The following SPECC1 variants were observed in gnomAD, a reference collection of about 807,000 sequenced individuals.
SPECC1 encodes sperm antigen with calponin homology and coiled-coil domains 1, also known as cytospin-B.
SPECC1 carries 62 observed loss-of-function variants against 104.1 expected under a neutral mutation model. The ratio of observed to expected loss-of-function variants is 0.60; its 90% confidence interval spans 0.49 to 0.74. The LOEUF is 0.74. Among genes scored for constraint, SPECC1 ranks in the 30% least tolerant of loss-of-function variants. The pLI is 0.00. For missense variants in SPECC1, 1,306 were observed against 1,310.5 expected (o/e 1.00, Z 0.05); for synonymous variants, 513 against 501.6 (o/e 1.02, Z -0.30).
intron 14 of SPECC1, among the ~76,000 whole-genome samples, chr17:20,313,146 A>G (rs752103924): frequency 1.3e-5 from 2 of 152,222 alleles, no homozygotes; most frequent in Admixed American, 1.3e-4. Context: ...GATGTTATGC[A>G]TGCTCATTAC....
At chr17:20,277,903 C>T (rs2040627508) in intron 12 of SPECC1, among the ~76,000 whole-genome samples, 2 of 152,232 alleles carry the variant, frequency 1.3e-5, no homozygotes, top group South Asian at 4.1e-4. Flanking sequence ...CGTGTGTCAG[C>T]CACGCTGCTT....
At chr17:20,144,175 C>CTTTT (rs1168474738) in intron 3 of SPECC1, among the ~76,000 whole-genome samples, 8 of 94,410 alleles carry the variant, frequency 8.5e-5, no homozygotes, top group Admixed American at 2.3e-4. Flanking sequence ...TTTTTCTTTT[C>CTTTT]TTTTTTTTTT....
intron 3 of SPECC1, among the ~76,000 whole-genome samples, chr17:20,162,859 C>T (rs2151137253): frequency 6.6e-6 from 1 of 152,302 alleles, no homozygotes; most frequent in East Asian, 1.9e-4. Context: ...GAAGCCTTGT[C>T]TCTACTGAAA....
chr17:20,191,506 T>A (rs78727740), intron 3 of SPECC1, among the ~76,000 whole-genome samples: 22 of 108,008 alleles, frequency 2.0e-4, no homozygotes, highest in Admixed American at 5.5e-4. Context: ...TTTTTTTTTT[T>A]AATTATACTT....
At chr17:20,160,025 G>T (rs1426097003) in intron 3 of SPECC1, among the ~76,000 whole-genome samples, 1 of 152,194 alleles carries the variant, frequency 6.6e-6, no homozygotes, top group Non-Finnish European at 1.5e-5. Flanking sequence ...AGTGAGTTTA[G>T]AAGGTTTTCC....
At chr17:20,260,639 A>G (rs1299326257) in intron 12 of SPECC1, among the ~76,000 whole-genome samples, 1 of 152,214 alleles carries the variant, frequency 6.6e-6, no homozygotes, top group Non-Finnish European at 1.5e-5. Flanking sequence ...TCATGAGGCC[A>G]AAAGAGTTTT....
chr17:20,306,892 G>A (rs1567623556), intron 14 of SPECC1, among the ~76,000 whole-genome samples: 2 of 151,852 alleles, frequency 1.3e-5, no homozygotes, highest in Non-Finnish European at 2.9e-5. Context: ...GCAAACAAAA[G>A]GATTATCTAC....
At chr17:20,310,821 A>G (rs960988929) in intron 14 of SPECC1, among the ~76,000 whole-genome samples, 1 of 152,218 alleles carries the variant, frequency 6.6e-6, no homozygotes, top group Non-Finnish European at 1.5e-5. Flanking sequence ...CTGTGCTTAA[A>G]TAGCTAATTT....
At chr17:20,224,141 T>C (rs902369562) in intron 4 of SPECC1, among the ~76,000 whole-genome samples, 3 of 152,218 alleles carry the variant, frequency 2.0e-5, no homozygotes, top group Non-Finnish European at 4.4e-5. Flanking sequence ...TCTAGGAGAA[T>C]TTCCCGGTTT....
At chr17:20,155,829 C>G (rs1011200029) in intron 3 of SPECC1, 3 of 802,360 alleles carry the variant, frequency 3.7e-6, no homozygotes, top group Admixed American at 1.1e-4. Flanking sequence ...CGGTGCGTCC[C>G]GCCCACGGCG....
chr17:20,035,027 C>T (rs961661474), intron 1 of SPECC1, among the ~76,000 whole-genome samples: 4 of 152,210 alleles, frequency 2.6e-5, no homozygotes, highest in African/African-American at 7.2e-5. Flanking sequence ...AATGACTCTA[C>T]ACCCTTTAAT....
chr17:20,085,496 G>A (rs1567831898), intron 1 of SPECC1, among the ~76,000 whole-genome samples: 1 of 152,326 alleles, frequency 6.6e-6, no homozygotes, highest in East Asian at 1.9e-4. Flanking sequence ...CCCAGGAGCA[G>A]CCTGCAAAAT....
chr17:20,073,214 T>C (rs1226353081), intron 1 of SPECC1, among the ~76,000 whole-genome samples: 2 of 152,132 alleles, frequency 1.3e-5, no homozygotes, highest in Non-Finnish European at 2.9e-5. Flanking sequence ...CCTTCCCACC[T>C]AGAACTCACA....
At chr17:20,300,177 G>T (rs534403176) in intron 13 of SPECC1, among the ~76,000 whole-genome samples, 2 of 152,334 alleles carry the variant, frequency 1.3e-5, no homozygotes, top group East Asian at 3.9e-4. Context: ...CATACAGAGG[G>T]AGGACCGAGG....
intron 2 of SPECC1, among the ~76,000 whole-genome samples, chr17:20,107,609 A>T (rs1023534443): frequency 1.3e-5 from 2 of 151,728 alleles, no homozygotes; most frequent in South Asian, 4.2e-4. Flanking sequence ...GGCATGTGTC[A>T]CCACACCTGG....
At chr17:20,293,574 A>C (rs1034996731) in intron 12 of SPECC1, among the ~76,000 whole-genome samples, 3 of 152,176 alleles carry the variant, frequency 2.0e-5, no homozygotes, top group Non-Finnish European at 2.9e-5. Context: ...CAGCTTTCCA[A>C]CTTTGCTGGC....
rs1340847769 is a variant in SPECC1, at chr17:20,147,276, G to A, written c.283+36714G>A. Among the ~76,000 whole-genome samples the A allele has an allele frequency of 2.0e-5, 3 of 151,852 alleles. No individual in the cohort carries two copies. The East Asian group carries it at 5.8e-4, about 29-fold the overall frequency. On this transcript the variant is annotated intron_variant, in intron 3 of 14. Transcript: ENST00000395527. ...AGTAAAGACAGGGTTTCTCCATGTT[G>A]GTCAGGCTGGTCTCGATCTCACAAC... is the stretch of plus-strand genomic sequence containing the variant.
At chr17:20,136,120 C>A (rs926114853) in intron 3 of SPECC1, among the ~76,000 whole-genome samples, 2 of 152,048 alleles carry the variant, frequency 1.3e-5, no homozygotes, top group Non-Finnish European at 2.9e-5. Flanking sequence ...CACTATGTCT[C>A]CTTGCAAACC....
chr17:20,182,119 C>CTTTTTTT (rs57991209), intron 3 of SPECC1, among the ~76,000 whole-genome samples: 88,360 of 135,970 alleles, frequency 0.65, 29,735 homozygotes, highest in East Asian at 0.97. Context: ...CTTTCTTTTT[C>CTTTTTTT]TTTTTTTTTT....
Sources: gnomAD v4.1 joint callset for allele counts (sites outside exome capture counted in the v4.1 genomes callset) on GRCh38, gnomAD v4.1.1 for gene constraint, MANE v1.5 for transcripts, NCBI Gene and HGNC (gene_info 2026-07-23, HGNC 2026-07-21) for gene names.